ICE1: variants seen among roughly 807,000 people sequenced by gnomAD.
ICE1 encodes the protein little elongation complex subunit 1.
A neutral mutation model predicts 192.7 loss-of-function variants in ICE1; 64 were observed. The observed-to-expected ratio is 0.33, with a 90% confidence interval of 0.27 to 0.41. The LOEUF (loss-of-function observed/expected upper bound fraction) is 0.41. ICE1 is among the 10% of genes least tolerant of loss of function. ICE1 has a pLI of 1.00. For missense variants in ICE1, 2,708 were observed against 2,696.0 expected (o/e 1.00, Z -0.10); for synonymous variants, 1,010 against 984.5 (o/e 1.03, Z -0.49).
At chr5:5,423,790 C>G (rs1215014659) in intron 1 of ICE1, among the ~76,000 whole-genome samples, 3 of 152,172 alleles carry the variant, frequency 2.0e-5, no homozygotes, top group African/African-American at 7.2e-5. Context: ...AAACGGAACT[C>G]ACCAGCACCT....
intron 17 of ICE1, among the ~76,000 whole-genome samples, chr5:5,482,681 T>C (rs1165216154): frequency 1.3e-5 from 2 of 151,886 alleles, no homozygotes; most frequent in Non-Finnish European, 2.9e-5. Flanking sequence ...ACAAGGACAG[T>C]AGTGTGGGCT....
rs1375478393 is a variant in ICE1, at chr5:5,422,901, C to A, written c.-15C>A. 2 of 1,379,776 alleles carry A rather than the reference C, an allele frequency of 1.4e-6. No individual in the cohort carries two copies. The highest frequency in any genetic ancestry group is 1.6e-5 in the South Asian group (1 of 61,964). 85.5% of individuals were successfully genotyped at this position (1,379,776 alleles called of 1,614,324 possible). A position where few individuals can be genotyped will look rare whatever the true frequency, so the allele number is the denominator to read the frequency against. Reference sequence around the variant, plus strand: ...CCCTGAGGCGTGCGTGCCCACCGGGCCCGGCGGCGGCACCATGATGCCGGG... The same window carrying A: ...CCCTGAGGCGTGCGTGCCCACCGGGACCGGCGGCGGCACCATGATGCCGGG... On this transcript the variant is annotated 5_prime_UTR_variant, in exon 1 of 19. Coordinates refer to ENST00000296564, the MANE Select transcript of ICE1 (RefSeq NM_015325.3).
At chr5:5,487,922 C>T (rs921596113) in intron 18 of ICE1, among the ~76,000 whole-genome samples, 1 of 152,158 alleles carries the variant, frequency 6.6e-6, no homozygotes, top group Non-Finnish European at 1.5e-5. Flanking sequence ...CAGGAGGAAA[C>T]CAAAGCTCAG....
chr5:5,441,344 CAG>C, intron 5 of ICE1, 121 bp downstream of exon 5: 1 of 632,968 alleles, frequency 1.6e-6, no homozygotes, highest in Non-Finnish European at 2.8e-6. Context: ...TCAAGACTCT[CAG>C]TGTATTATTA....
chr5:5,485,408 G>C (rs981125500), intron 17 of ICE1, among the ~76,000 whole-genome samples: 1 of 151,992 alleles, frequency 6.6e-6, no homozygotes, highest in Non-Finnish European at 1.5e-5. Context: ...ATTCATTCTC[G>C]TGTGTTTTTC....
chr5:5,487,631 C>G (rs767779465), intron 18 of ICE1, among the ~76,000 whole-genome samples: 1 of 152,168 alleles, frequency 6.6e-6, no homozygotes, highest in Non-Finnish European at 1.5e-5. Flanking sequence ...CACATTTCTT[C>G]CATATTACAG....
At chr5:5,456,133 T>C (rs1738574211) in intron 11 of ICE1, among the ~76,000 whole-genome samples, 1 of 152,194 alleles carries the variant, frequency 6.6e-6, no homozygotes, top group Non-Finnish European at 1.5e-5. Context: ...CAGGGAGTTG[T>C]TCTAGGGATA....
rs573584397 is a variant in ICE1, at chr5:5,473,561, G to A, written c.6226G>A (p.Ala2076Thr). The A allele has an allele frequency of 1.2e-6, 2 of 1,604,798 alleles. No homozygotes were observed. The highest frequency in any genetic ancestry group is 1.1e-5 in the South Asian group (1 of 88,406). ...TTTATTTCTTTTCATTTGCTAGAAT[G>A]CCCCGGTAGATGTTGGCTTCATGGT... ...LRAFLNWEKN[A>T]PVDVGFMVSK... Residue 2076 changes from alanine (A) to threonine (T), a missense_variant, in exon 16 of 19, where the codon GCC becomes ACC. Physicochemically the swap from Ala to Thr is moderately conservative, Grantham distance 58. Coordinates refer to ENST00000296564, the MANE Select transcript of ICE1 (RefSeq NM_015325.3).
chr5:5,451,703 A>T (rs1013331055), intron 10 of ICE1, among the ~76,000 whole-genome samples: 1 of 152,198 alleles, frequency 6.6e-6, no homozygotes, highest in African/African-American at 2.4e-5. Context: ...ATCTAACACC[A>T]TAATAAATCC....
chr5:5,456,722 A>G (rs1738593101), intron 11 of ICE1, among the ~76,000 whole-genome samples: 1 of 152,170 alleles, frequency 6.6e-6, no homozygotes, highest in Non-Finnish European at 1.5e-5. Flanking sequence ...AAGCTGGCAA[A>G]TATAATAAAT....
At chr5:5,483,772 G>A (rs1468824075) in intron 17 of ICE1, among the ~76,000 whole-genome samples, 1 of 152,172 alleles carries the variant, frequency 6.6e-6, no homozygotes, top group Non-Finnish European at 1.5e-5. Context: ...CCTAGAGCTA[G>A]AAAAACACTG....
chr5:5,436,340 A>G, intron 1 of ICE1, 78 bp from the exon 2 acceptor site: 2 of 842,980 alleles, frequency 2.4e-6, no homozygotes, highest in Non-Finnish European at 3.5e-6. Flanking sequence ...ATTCTTAGAT[A>G]TGATAAATAA....
In ICE1 at chr5:5,441,209, C is replaced by T; in HGVS notation, c.295C>T (p.Leu99=). The T allele has an allele frequency of 6.5e-7, 1 of 1,549,948 alleles. No individual in the cohort carries two copies. The highest frequency in any genetic ancestry group is 8.7e-7 in the Non-Finnish European group (1 of 1,142,990). The change falls in exon 5 of 19, where the codon CTA becomes TTA. Residue 99 remains leucine, a synonymous_variant. Coordinates refer to ENST00000296564, the MANE Select transcript of ICE1 (RefSeq NM_015325.3). ...QEELGSLKAE[L]EEKKSSLKLY... ...AGAACTGGGATCTTTAAAAGCAGAG[C>T]TAGAAGAGAAAAAGGTATGAACAAT...
chr5:5,481,507 G>A (rs1437343265), intron 17 of ICE1, among the ~76,000 whole-genome samples: 1 of 152,118 alleles, frequency 6.6e-6, no homozygotes. Context: ...TACCAAATTT[G>A]GCTGGCCATC....
At position 5,463,380 on chromosome 5, in the gene ICE1, G is replaced by T. The variant is rs371784843; in HGVS notation, c.4046G>T (p.Arg1349Leu). ...NENPQSRPEA[R>L]SDAGRQTDGG... ...AACCCTCAGAGCAGACCAGAGGCCC[G>T]TTCAGATGCAGGCAGGCAAACCGAT... The change falls in exon 13 of 19, where the codon CGT becomes CTT. Residue 1349 changes from arginine (R) to leucine (L), a missense_variant. Transcript: ENST00000296564. 3 of 1,613,750 alleles carry T rather than the reference G, an allele frequency of 1.9e-6. No individual in the cohort carries two copies. Among genetic ancestry groups the T allele is most frequent in the East Asian group, 2.2e-5 (1 of 44,868 alleles).
At chr5:5,483,698 AC>A (rs1739567795) in intron 17 of ICE1, among the ~76,000 whole-genome samples, 1 of 152,044 alleles carries the variant, frequency 6.6e-6, no homozygotes, top group Non-Finnish European at 1.5e-5. Context: ...GTAGAATACC[AC>A]CTTTCTGCCC....
chr5:5,463,254 A>C lies in ICE1; in HGVS notation c.3920A>C (p.Glu1307Ala). 7 of 1,613,108 alleles carry C rather than the reference A, an allele frequency of 4.3e-6. No homozygotes were observed. The highest frequency in any genetic ancestry group is 5.9e-6 in the Non-Finnish European group (7 of 1,179,608). Reference sequence around the variant, plus strand: ...TTAAAAGAGAAAAGTCCATTTCGGGAAACGACTGGCTCCTCATCACATGCT... The same window carrying C: ...TTAAAAGAGAAAAGTCCATTTCGGGCAACGACTGGCTCCTCATCACATGCT... The part of the protein sequence containing the change: ...ENLKEKSPFR[E>A]TTGSSSHASE... The change falls in exon 13 of 19, where the codon GAA (glutamate) becomes GCA (alanine). Residue 1307 changes from glutamate (E) to alanine (A), a missense_variant. Coordinates refer to ENST00000296564, the MANE Select transcript of ICE1 (RefSeq NM_015325.3).
chr5:5,454,701 T>G (rs2111366879), intron 11 of ICE1, 63 bp downstream of exon 11: 1 of 1,200,956 alleles, frequency 8.3e-7, no homozygotes, highest in South Asian at 1.3e-5. Flanking sequence ...ACCATAGGCA[T>G]AGCAGCCGTT....
chr5:5,426,429 CAG>C, intron 1 of ICE1, among the ~76,000 whole-genome samples: 1 of 133,658 alleles, frequency 7.5e-6, no homozygotes, highest in South Asian at 2.3e-4. Context: ...GCCTGGGTGA[CAG>C]AGCAAGACTC....
Sources: gnomAD v4.1 joint callset for allele counts (sites outside exome capture counted in the v4.1 genomes callset) on GRCh38, gnomAD v4.1.1 for gene constraint, MANE v1.5 for transcripts, NCBI Gene and HGNC (gene_info 2026-07-23, HGNC 2026-07-21) for gene names.